ZMIZ1: variants seen among roughly 807,000 people sequenced by gnomAD.
ZMIZ1 encodes the protein zinc finger MIZ domain-containing protein 1.
In ZMIZ1, 17 loss-of-function variants were observed where a neutral mutation model predicts 113.9. The ratio of observed to expected loss-of-function variants is 0.15; its 90% CI spans 0.10 to 0.22. ZMIZ1 has a LOEUF of 0.22. Among genes scored for constraint, ZMIZ1 ranks in the 10% least tolerant of loss-of-function variants. The pLI, the probability that ZMIZ1 is intolerant of heterozygous loss-of-function variation, is 1.00. For synonymous variants in ZMIZ1, 607 were observed against 603.1 expected, an observed-to-expected ratio of 1.01 and a Z score of -0.09; for missense variants, 1,059 against 1,477.8, an observed-to-expected ratio of 0.72 and a Z score of 4.65.
chr10:79,148,867 A>G (rs919882719), intron 3 of ZMIZ1, among the ~76,000 whole-genome samples: 6 of 152,104 alleles, frequency 3.9e-5, no homozygotes, highest in South Asian at 2.1e-4. Flanking sequence ...GCAGTTTCCA[A>G]TTGAGTCCCT....
At chr10:79,152,053 C>T (rs1473950444) in intron 3 of ZMIZ1, among the ~76,000 whole-genome samples, 4 of 152,196 alleles carry the variant, frequency 2.6e-5, no homozygotes, top group South Asian at 2.1e-4. Context: ...GTCAGGGGAC[C>T]GGGCTCTAGG....
chr10:79,280,378 G>A (rs1198490554), intron 8 of ZMIZ1, among the ~76,000 whole-genome samples: 1 of 152,058 alleles, frequency 6.6e-6, no homozygotes, highest in East Asian at 1.9e-4. Flanking sequence ...TGGCTCAAGC[G>A]ATTCTCCCAC....
At chr10:79,155,475 G>T (rs374340296) in intron 3 of ZMIZ1, among the ~76,000 whole-genome samples, 31 of 152,306 alleles carry the variant, frequency 2.0e-4, no homozygotes, top group Admixed American at 1.4e-3. Context: ...CCTCTCTCTG[G>T]TCTCAGTTTG....
rs531257175 is a variant in ZMIZ1 at position 79,068,981 on chromosome 10, A to T, written c.-626A>T. On this transcript the variant is annotated 5_prime_UTR_variant, in exon 1 of 25. Transcript: ENST00000334512. ...GAGTTGATTCACTTACTCACCCCCT[A>T]ACGCCGAGTTCCTTTTCACTGTCTG... is the stretch of plus-strand genomic sequence containing the variant. 6.6e-6 allele frequency: 1 copy of T among 151,838 alleles called. No homozygotes were observed. Among genetic ancestry groups the T allele is most frequent in the South Asian group, 1.8e-4 (1 of 5,488 alleles). 9.4% of individuals were successfully genotyped at this position (151,838 alleles called of 1,614,324 possible). A position where few individuals can be genotyped will look rare whatever the true frequency, so the allele number is the denominator to read the frequency against.
At chr10:79,246,407 A>G (rs1393139344) in intron 7 of ZMIZ1, among the ~76,000 whole-genome samples, 6 of 152,132 alleles carry the variant, frequency 3.9e-5, no homozygotes, top group Admixed American at 3.9e-4. Context: ...AGCTGGAAGG[A>G]GCGGGCGCGA....
intron 1 of ZMIZ1, among the ~76,000 whole-genome samples, chr10:79,072,008 A>G (rs1303416077): frequency 6.6e-6 from 1 of 152,144 alleles, no homozygotes; most frequent in South Asian, 2.1e-4. Context: ...AGCAGTAGGG[A>G]GTGGATTCAA....
chr10:79,131,949 A>C (rs1005318145), intron 2 of ZMIZ1, among the ~76,000 whole-genome samples: 1 of 152,188 alleles, frequency 6.6e-6, no homozygotes, highest in Non-Finnish European at 1.5e-5. Context: ...CTCAGACACC[A>C]TTTCTAGACC....
intron 4 of ZMIZ1, among the ~76,000 whole-genome samples, chr10:79,178,108 GC>G (rs1846948858): frequency 6.6e-6 from 1 of 152,122 alleles, no homozygotes; most frequent in Admixed American, 6.5e-5. Context: ...CTGGGGAGAT[GC>G]CCCCCACCCT....
intron 1 of ZMIZ1, among the ~76,000 whole-genome samples, chr10:79,080,745 G>A (rs1232810958): frequency 6.6e-6 from 1 of 152,068 alleles, no homozygotes; most frequent in African/African-American, 2.4e-5. Flanking sequence ...TTCTGCTTGT[G>A]CTTCATCTGC....
At chr10:79,195,212 G>A (rs1331900844) in intron 4 of ZMIZ1, among the ~76,000 whole-genome samples, 1 of 152,236 alleles carries the variant, frequency 6.6e-6, no homozygotes, top group Non-Finnish European at 1.5e-5. Context: ...GTATTTGACA[G>A]GCTGCCAAAG....
chr10:79,300,652 G>A (rs1236691628), intron 16 of ZMIZ1, 80 bp from the exon 17 acceptor site: 3 of 1,513,072 alleles, frequency 2.0e-6, no homozygotes, highest in East Asian at 4.9e-5. Flanking sequence ...GTTTAGAGGT[G>A]TGTGACCTGG....
chr10:79,241,099 C>T (rs1301676424), intron 7 of ZMIZ1, among the ~76,000 whole-genome samples: 1 of 152,180 alleles, frequency 6.6e-6, no homozygotes, highest in Non-Finnish European at 1.5e-5. Flanking sequence ...CAGATAGTGG[C>T]TCTTTGGATT....
chr10:79,294,952 G>GT (rs1853782518), intron 12 of ZMIZ1: 1 of 139,454 alleles, frequency 7.2e-6, no homozygotes, highest in Non-Finnish European at 1.6e-5. Flanking sequence ...AGGGGGGGGG[G>GT]TCAGGGGCTT....
chr10:79,203,999 G>T (rs1040297693), intron 5 of ZMIZ1, among the ~76,000 whole-genome samples: 1 of 151,988 alleles, frequency 6.6e-6, no homozygotes, highest in African/African-American at 2.4e-5. Context: ...CGTGCTCCAT[G>T]CCCCTCCTCC....
chr10:79,240,871 A>G (rs932018511), intron 7 of ZMIZ1, among the ~76,000 whole-genome samples: 2 of 152,012 alleles, frequency 1.3e-5, no homozygotes, highest in Admixed American at 1.3e-4. Context: ...CCTCTGCTCA[A>G]TTCCAGTCCA....
chr10:79,256,522 G>A (rs1406827676), intron 7 of ZMIZ1, among the ~76,000 whole-genome samples: 1 of 152,214 alleles, frequency 6.6e-6, no homozygotes, highest in African/African-American at 2.4e-5. Context: ...GTGGGCTAGG[G>A]CGGCCACTCC....
intron 7 of ZMIZ1, among the ~76,000 whole-genome samples, chr10:79,239,575 A>G (rs1276899545): frequency 6.6e-6 from 1 of 152,178 alleles, no homozygotes; most frequent in Non-Finnish European, 1.5e-5. Context: ...CTCAGAACCC[A>G]GCACCCAGCA....
chr10:79,116,552 G>C (rs1426763655), intron 1 of ZMIZ1, among the ~76,000 whole-genome samples: 1 of 152,138 alleles, frequency 6.6e-6, no homozygotes, highest in African/African-American at 2.4e-5. Context: ...GCAGCCTGTG[G>C]GGGTGCACAG....
intron 7 of ZMIZ1, among the ~76,000 whole-genome samples, chr10:79,224,501 G>C (rs1172127372): frequency 1.3e-5 from 2 of 152,122 alleles, no homozygotes; most frequent in African/African-American, 4.8e-5. Context: ...CCTGCCTACA[G>C]AGCGGGGGTG....
Sources: allele counts gnomAD v4.1 joint callset (sites outside exome capture counted in the v4.1 genomes callset), GRCh38; gene constraint gnomAD v4.1.1; transcripts MANE v1.5; gene names NCBI Gene and HGNC (gene_info 2026-07-23, HGNC 2026-07-21).